Variants in SYCP2L observed in about 807,000 individuals in gnomAD.
SYCP2L encodes the protein synaptonemal complex protein 2 like, also known as synaptonemal complex protein 2-like.
In SYCP2L, 98 loss-of-function variants were observed where a neutral mutation model predicts 125.8. The observed-to-expected ratio is 0.78, with a 90% CI of 0.66 to 0.92. The LOEUF (loss-of-function observed/expected upper bound fraction) is 0.92, where lower values mean the gene tolerates loss of function less well. Among genes scored for constraint, SYCP2L ranks in the 40% least tolerant of loss-of-function variants. The pLI is 0.00. For synonymous variants in SYCP2L, 317 were observed against 325.4 expected (o/e 0.97, Z 0.28); for missense variants, 842 against 936.4 (o/e 0.90, Z 1.32).
At chr6:10,965,241 G>A (rs1309465103) in intron 29 of SYCP2L, among the ~76,000 whole-genome samples, 2 of 152,282 alleles carry the variant, frequency 1.3e-5, no homozygotes, top group South Asian at 2.1e-4. Context: ...GAGGATAGCA[G>A]TGGAGGTGGT....
intron 4 of SYCP2L, among the ~76,000 whole-genome samples, chr6:10,895,094 T>G (rs1021541679): frequency 1.8e-4 from 27 of 152,352 alleles, no homozygotes; most frequent in African/African-American, 6.3e-4. Context: ...AATTAAGGAC[T>G]GTGTTTATGC....
rs75034493 is a variant in SYCP2L at position 10,968,053 on chromosome 6, G to T, written c.*37+4210G>T. Among the ~76,000 whole-genome samples the T allele has an allele frequency of 1.0e-2, 1,517 of 152,280 alleles. 12 individuals are homozygous for T. Among genetic ancestry groups the T allele is most frequent in the Middle Eastern group, 0.017 (5 of 292 alleles). ...GACAGGGAAAGAGAAATAGAAGCCA[G>T]TTCCTTCGATGGACCAGTTATAAAG... On this transcript the variant is annotated intron_variant, in intron 29 of 29. Transcript: ENST00000283141.
chr6:10,956,081 A>G lies in SYCP2L; in HGVS notation c.2057-55A>G, dbSNP rs1485806950. ...CTCTGGGCAACTGATGAATTGAGCA[A>G]GTCTACTTTGAACACTTTGTTAGTT... On this transcript the variant is annotated intron_variant, in intron 24 of 29. Coordinates refer to ENST00000283141, the MANE Select transcript of SYCP2L (RefSeq NM_001040274.3). 7 of 1,417,728 alleles carry G rather than the reference A, an allele frequency of 4.9e-6. 1 individual carries two copies. The East Asian group carries it at 9.3e-5, about 19-fold the overall frequency. 87.8% of individuals were successfully genotyped at this position (1,417,728 alleles called of 1,614,324 possible). A position where few individuals can be genotyped will look rare whatever the true frequency, so the allele number is the denominator to read the frequency against.
At chr6:10,899,286 G>A (rs1561680630) in intron 6 of SYCP2L, among the ~76,000 whole-genome samples, 1 of 152,100 alleles carries the variant, frequency 6.6e-6, no homozygotes, top group African/African-American at 2.4e-5. Flanking sequence ...GGTGGCTCAC[G>A]CCTGTATTCC....
chr6:10,928,426 G>A lies in SYCP2L; in HGVS notation c.1464G>A (p.Gly488=), dbSNP rs1348483506. 1.3e-6 allele frequency: 2 copies of A among 1,582,684 alleles called. No homozygotes were observed. The highest frequency in any genetic ancestry group is 1.7e-6 in the Non-Finnish European group (2 of 1,165,278). ...AGCTTCAGCCGGTCCCTCCGTTCGGGGTCCCTGACTTCCCGCAACAACCTG... is the reference window on the plus strand; with the variant it reads ...AGCTTCAGCCGGTCCCTCCGTTCGGAGTCCCTGACTTCCCGCAACAACCTG... ...DSHLQPVPPF[G]VPDFPQQPKS... Residue 488 remains glycine, a synonymous_variant, in exon 18 of 30, where the codon GGG becomes GGA. Coordinates refer to ENST00000283141, the MANE Select transcript of SYCP2L (RefSeq NM_001040274.3).
chr6:10,897,289 T>C (rs1025320361), intron 4 of SYCP2L, among the ~76,000 whole-genome samples: 24 of 152,220 alleles, frequency 1.6e-4, no homozygotes, highest in African/African-American at 5.5e-4. Context: ...GCATATTTAC[T>C]ATAATCAAGA....
Position 10,902,762 on chromosome 6 carries a change from G to A in SYCP2L, c.552G>A (p.Glu184=). ...EKTVNHLLQQ[E]GLKTFNCILH... ...CTGTAAATCATTTGCTTCAACAGGA[G>A]GTGAGTTGCAAGTAACAAAACAGGT... Residue 184 remains glutamate, a splice_region_variant and synonymous_variant, in exon 7 of 30, where the codon GAG becomes GAA. Transcript: ENST00000283141. 1 of 1,614,098 alleles carries A rather than the reference G, an allele frequency of 6.2e-7. No individual in the cohort carries two copies. The highest frequency in any genetic ancestry group is 8.5e-7 in the Non-Finnish European group (1 of 1,179,956).
At chr6:10,907,511 T>A (rs1675129427) in intron 9 of SYCP2L, 31 bp from the exon 10 acceptor site, 1 of 1,583,264 alleles carries the variant, frequency 6.3e-7, no homozygotes, top group Non-Finnish European at 8.6e-7. Flanking sequence ...TGCCCAGAAT[T>A]ATCTATGTCT....
chr6:10,898,551 T>C (rs138768821), intron 5 of SYCP2L, among the ~76,000 whole-genome samples: 2 of 152,294 alleles, frequency 1.3e-5, no homozygotes, highest in East Asian at 3.9e-4. Flanking sequence ...TATTAGAATA[T>C]TATTAATATG....
chr6:10,907,913 CAG>C (rs1221819186), intron 10 of SYCP2L, among the ~76,000 whole-genome samples: 9 of 13,036 alleles, frequency 6.9e-4, no homozygotes, highest in African/African-American at 1.6e-3. Context: ...TTTTTTTTGA[CAG>C]AGTCTCACTC....
intron 14 of SYCP2L, among the ~76,000 whole-genome samples, chr6:10,916,381 T>C (rs9366672): frequency 0.19 from 29,658 of 152,228 alleles, 3,626 homozygotes; most frequent in East Asian, 0.33. Context: ...TTTGTTCTTA[T>C]TTCTCTAGTT....
intron 23 of SYCP2L, among the ~76,000 whole-genome samples, chr6:10,950,447 C>G (rs1236597372): frequency 6.6e-6 from 1 of 152,156 alleles, no homozygotes; most frequent in African/African-American, 2.4e-5. Context: ...TCATTTTGCT[C>G]ACAATTCCTC....
rs764172063 is a variant in SYCP2L at position 10,910,198 on chromosome 6, A to G, written c.870A>G (p.Arg290=). ...NHLNNRLGDQ[R]RVYSFPCIAA... Reference sequence around the variant, plus strand: ...TAAACAACAGACTTGGTGACCAAAGAAGGTAAGTTGTGTCTCTGAGCATTA... The same window carrying G: ...TAAACAACAGACTTGGTGACCAAAGGAGGTAAGTTGTGTCTCTGAGCATTA... The change falls in exon 11 of 30, where the codon AGA becomes AGG. Residue 290 remains arginine (R), a splice_region_variant and synonymous_variant. Coordinates refer to ENST00000283141, the MANE Select transcript of SYCP2L (RefSeq NM_001040274.3). 1 of 1,613,664 alleles carries G rather than the reference A, an allele frequency of 6.2e-7. No homozygotes were observed. Among genetic ancestry groups the G allele is most frequent in the Non-Finnish European group, 8.5e-7 (1 of 1,179,692 alleles).
At chr6:10,893,081 C>T (rs1229895841) in intron 2 of SYCP2L, among the ~76,000 whole-genome samples, 3 of 151,378 alleles carry the variant, frequency 2.0e-5, no homozygotes, top group African/African-American at 7.3e-5. Context: ...GATCTCGACT[C>T]ACCGCAACCT....
At chr6:10,904,526 C>T (rs868263743) in intron 8 of SYCP2L, among the ~76,000 whole-genome samples, 13 of 152,106 alleles carry the variant, frequency 8.5e-5, no homozygotes, top group Non-Finnish European at 1.6e-4. Context: ...TTATTTAATA[C>T]GTTAGTGAAA....
chr6:10,902,276 C>G (rs1347275831), intron 6 of SYCP2L, among the ~76,000 whole-genome samples: 3 of 152,210 alleles, frequency 2.0e-5, no homozygotes, highest in African/African-American at 7.2e-5. Context: ...TCATATGCAT[C>G]TTTTCCTCGC....
chr6:10,954,465 A>C lies in SYCP2L; in HGVS notation c.1955-651A>C, dbSNP rs1781465083. On this transcript the variant is annotated intron_variant, in intron 23 of 29. Coordinates refer to ENST00000283141, the MANE Select transcript of SYCP2L (RefSeq NM_001040274.3). This position sits in a 1 kb window ranked among gnomAD's most constrained non-coding sequence, Gnocchi z 4.8. ...GAGGATGGAGGAGAAGCGGGCAGCA[A>C]AGAAAAGGAGGAGTTGAGCATAAAG... 6.6e-6 allele frequency among the ~76,000 whole-genome samples: 1 copy of C among 152,158 alleles called. No individual in the cohort carries two copies. Among genetic ancestry groups the C allele is most frequent in the East Asian group, 1.9e-4 (1 of 5,194 alleles).
At chr6:10,900,423 G>T (rs1279032973) in intron 6 of SYCP2L, among the ~76,000 whole-genome samples, 1 of 151,562 alleles carries the variant, frequency 6.6e-6, no homozygotes, top group Non-Finnish European at 1.5e-5. Context: ...CACGTTCTCA[G>T]CTCACTGCAA....
intron 2 of SYCP2L, among the ~76,000 whole-genome samples, chr6:10,893,439 T>C (rs1363125342): frequency 6.6e-6 from 1 of 152,248 alleles, no homozygotes; most frequent in Non-Finnish European, 1.5e-5. Context: ...ATCATTTATG[T>C]CACTTAGTGA....
Sources: allele counts gnomAD v4.1 joint callset (sites outside exome capture counted in the v4.1 genomes callset), GRCh38; gene constraint gnomAD v4.1.1; non-coding constraint Gnocchi (gnomAD v3.1); transcripts MANE v1.5; gene names NCBI Gene and HGNC (gene_info 2026-07-23, HGNC 2026-07-21).